Variants in NHEJ1 observed in about 807,000 individuals in gnomAD.
The protein encoded by NHEJ1 is non-homologous end joining factor 1.
A neutral mutation model predicts 39.4 loss-of-function variants in NHEJ1; 22 were observed. That is an observed-to-expected ratio of 0.56 (90% CI 0.40 to 0.80). The LOEUF (loss-of-function observed/expected upper bound fraction) is 0.80. Ranked by LOEUF, NHEJ1 falls within the 30% of genes least tolerant of loss-of-function variation. The pLI, the probability that NHEJ1 is intolerant of heterozygous loss-of-function variation, is 0.00. For missense variants in NHEJ1, 329 were observed against 357.1 expected (o/e 0.92, Z 0.63); for synonymous variants, 154 against 135.6 (o/e 1.14, Z -0.94).
chr2:219,144,785 G>A (rs1221731810), intron 5 of NHEJ1, among the ~76,000 whole-genome samples: 1 of 152,012 alleles, frequency 6.6e-6, no homozygotes, highest in African/African-American at 2.4e-5. Context: ...GATGAGGCAG[G>A]GAACCAGCAT....
rs1025293032 is a variant in NHEJ1, at chr2:219,075,477, T to G, written c.*904A>C. On this transcript the variant is annotated 3_prime_UTR_variant, in exon 8 of 8. Coordinates refer to ENST00000356853, the MANE Select transcript of NHEJ1 (RefSeq NM_024782.3). Reference sequence around the variant, plus strand: ...TAAACCAGAAATTGGATAGGCGTGGTAGCTCATGCCTGTAATCCCAGCACT... The same window carrying G: ...TAAACCAGAAATTGGATAGGCGTGGGAGCTCATGCCTGTAATCCCAGCACT... 6.6e-6 allele frequency: 1 copy of G among 152,188 alleles called. No homozygotes were observed. The highest frequency in any genetic ancestry group is 2.4e-5 in the African/African-American group (1 of 41,438). 9.4% of individuals were successfully genotyped at this position (152,188 alleles called of 1,614,324 possible).
At chr2:219,157,860 A>T (rs1232666037) in intron 2 of NHEJ1, among the ~76,000 whole-genome samples, 176 bp from the exon 3 acceptor site, 1 of 152,130 alleles carries the variant, frequency 6.6e-6, no homozygotes, top group African/African-American at 2.4e-5. Context: ...AGTCACAAAG[A>T]CCAATTGGCC....
Position 219,076,176 on chromosome 2 carries a change from G to T in NHEJ1, c.*205C>A. The T allele has an allele frequency of 8.7e-7, 1 of 1,149,754 alleles. No individual in the cohort carries two copies. The highest frequency in any genetic ancestry group is 1.2e-6 in the Non-Finnish European group (1 of 828,606). 71.2% of individuals were successfully genotyped at this position (1,149,754 alleles called of 1,614,324 possible). A position where few individuals can be genotyped will look rare whatever the true frequency, so the allele number is the denominator to read the frequency against. On this transcript the variant is annotated 3_prime_UTR_variant, in exon 8 of 8. Coordinates refer to ENST00000356853, the MANE Select transcript of NHEJ1 (RefSeq NM_024782.3). ...CTCCACCAAAAGAGAGGAGAGCACG[G>T]GATTCTCAGAGACTGGCTTCCACTT...
At chr2:219,087,393 C>G (rs1470105083) in intron 5 of NHEJ1, among the ~76,000 whole-genome samples, 1 of 151,430 alleles carries the variant, frequency 6.6e-6, no homozygotes, top group East Asian at 1.9e-4. Context: ...TTTTTTTTCC[C>G]TGACTTGGTG....
At position 219,074,320 on chromosome 2, in the gene NHEJ1, G is replaced by C. The variant is rs1948992208; in HGVS notation, c.*2061C>G. ...CTGTGATGAAAAATGTCTTGAGTCTGTGCTGTTACAGTACAGGGAATGCCC... is the reference window on the plus strand; with the variant it reads ...CTGTGATGAAAAATGTCTTGAGTCTCTGCTGTTACAGTACAGGGAATGCCC... On this transcript the variant is annotated 3_prime_UTR_variant, in exon 8 of 8. Coordinates refer to ENST00000356853, the MANE Select transcript of NHEJ1 (RefSeq NM_024782.3). 6.6e-6 allele frequency among the ~76,000 whole-genome samples: 1 copy of C among 152,212 alleles called. No homozygotes were observed. Among genetic ancestry groups the C allele is most frequent in the East Asian group, 1.9e-4 (1 of 5,204 alleles).
At chr2:219,078,292 C>T in intron 5 of NHEJ1, 86 bp from the exon 6 acceptor site, 1 of 1,133,730 alleles carries the variant, frequency 8.8e-7, no homozygotes, top group Non-Finnish European at 1.3e-6. Flanking sequence ...CCGGCATCAA[C>T]CCCAAATGAA....
chr2:219,120,097 A>G (rs929888115), intron 5 of NHEJ1, among the ~76,000 whole-genome samples: 1 of 152,198 alleles, frequency 6.6e-6, no homozygotes, highest in African/African-American at 2.4e-5. Context: ...CCAAAAAGCA[A>G]TGACTTAGAT....
intron 5 of NHEJ1, among the ~76,000 whole-genome samples, chr2:219,120,163 T>C (rs1257050598): frequency 6.6e-6 from 1 of 152,220 alleles, no homozygotes; most frequent in Non-Finnish European, 1.5e-5. Context: ...CATTCTAATA[T>C]GTAGTAAGTT....
intron 5 of NHEJ1, among the ~76,000 whole-genome samples, chr2:219,083,339 G>T (rs1574701944): frequency 6.6e-6 from 1 of 152,098 alleles, no homozygotes; most frequent in East Asian, 1.9e-4. Context: ...GTAGTAAAAG[G>T]CTGAGAGTCA....
At chr2:219,139,773 A>T (rs1461924687) in intron 5 of NHEJ1, among the ~76,000 whole-genome samples, 1 of 152,020 alleles carries the variant, frequency 6.6e-6, no homozygotes. Flanking sequence ...GAGACCTCCC[A>T]GGTTCACGCC....
intron 5 of NHEJ1, among the ~76,000 whole-genome samples, chr2:219,137,145 G>A (rs939302003): frequency 1.7e-4 from 25 of 151,414 alleles, no homozygotes; most frequent in African/African-American, 5.6e-4. Context: ...CAAAGAGAAG[G>A]TGAAATTCAG....
chr2:219,155,425 T>C lies in NHEJ1; in HGVS notation c.390+2047A>G, dbSNP rs549989345. On this transcript the variant is annotated intron_variant, in intron 3 of 7. Transcript: ENST00000356853. ...CTACAAAAAATTTTTTTTAATTTTA[T>C]TTATTTTTTTAATTTTATTTTTTAA... Among the ~76,000 whole-genome samples the C allele has an allele frequency of 5.3e-5, 8 of 151,854 alleles. No homozygotes were observed. In the South Asian group the frequency reaches 1.7e-3, roughly 31 times the overall value.
intron 5 of NHEJ1, among the ~76,000 whole-genome samples, chr2:219,118,647 T>C (rs1205156052): frequency 1.3e-5 from 2 of 152,068 alleles, no homozygotes; most frequent in Non-Finnish European, 1.5e-5. Context: ...TCAAACCCTG[T>C]GCAGAGAAGG....
At chr2:219,146,036 T>C (rs1339776847) in intron 5 of NHEJ1, among the ~76,000 whole-genome samples, 1 of 152,182 alleles carries the variant, frequency 6.6e-6, no homozygotes, top group African/African-American at 2.4e-5. Context: ...AAGATCAATA[T>C]TGACTGGCAT....
intron 5 of NHEJ1, among the ~76,000 whole-genome samples, chr2:219,141,515 G>C (rs570068038): frequency 2.0e-5 from 3 of 152,216 alleles, no homozygotes; most frequent in Admixed American, 2.0e-4. Flanking sequence ...TAAGGACAAA[G>C]AGGAAAGTGA....
At chr2:219,089,997 G>A (rs947647806) in intron 5 of NHEJ1, among the ~76,000 whole-genome samples, 64 of 152,270 alleles carry the variant, frequency 4.2e-4, no homozygotes, top group Admixed American at 2.4e-3. Flanking sequence ...ACCTGGTTTT[G>A]AAAATAAGTC....
rs1221778228 is a variant in NHEJ1 at position 219,073,664 on chromosome 2, T to G, written c.*2717A>C. ...TCCTGCTCCTGGTTTGCTGGCTTGC[T>G]CGTGTAAACCACCTTATATTATTTT... is the stretch of plus-strand genomic sequence containing the variant. On this transcript the variant is annotated 3_prime_UTR_variant, in exon 8 of 8. Transcript: ENST00000356853. Among the ~76,000 whole-genome samples the G allele has an allele frequency of 6.6e-6, 1 of 152,210 alleles. No homozygotes were observed. The highest frequency in any genetic ancestry group is 1.5e-5 in the Non-Finnish European group (1 of 68,050).
At position 219,069,856 on chromosome 2, in the gene NHEJ1, T is replaced by A. The variant is rs1272906228; in HGVS notation, c.*6525A>T. On this transcript the variant is annotated 3_prime_UTR_variant, in exon 8 of 8. Transcript: ENST00000356853. ...TCATGTTGATTAAACCTCATGGTGT[T>A]CACAGACTTGAGCTGCAAGTGAGAA... The A allele has an allele frequency of 6.6e-6, 1 of 152,244 alleles. No homozygotes were observed. Among genetic ancestry groups the A allele is most frequent in the East Asian group, 1.9e-4 (1 of 5,206 alleles). The allele number at this position is 152,244 out of a possible 1,614,324, so 9.4% of individuals were successfully genotyped here.
rs183886003 is a variant in NHEJ1, at chr2:219,103,736, T to A, written c.589-25530A>T. Reference sequence around the variant, plus strand: ...AGCTCTCACAACTCTAAAGAGAACATTATCCCTATTTTACACCAAAATAAA... The same window carrying A: ...AGCTCTCACAACTCTAAAGAGAACAATATCCCTATTTTACACCAAAATAAA... On this transcript the variant is annotated intron_variant, in intron 5 of 7. Transcript: ENST00000356853. Among the ~76,000 whole-genome samples, 13 of 152,306 alleles carry A rather than the reference T, an allele frequency of 8.5e-5. No individual in the cohort carries two copies. In the East Asian group the frequency reaches 1.9e-3, roughly 23 times the overall value.
Sources: gnomAD v4.1 joint callset for allele counts (sites outside exome capture counted in the v4.1 genomes callset) on GRCh38, gnomAD v4.1.1 for gene constraint, MANE v1.5 for transcripts, NCBI Gene and HGNC (gene_info 2026-07-23, HGNC 2026-07-21) for gene names.